The following UNC13C variants were observed in gnomAD, a reference collection of about 807,000 sequenced individuals.
The protein encoded by UNC13C is protein unc-13 homolog C.
UNC13C carries 174 observed loss-of-function variants against 245.4 expected under a neutral mutation model. That is an observed-to-expected ratio of 0.71 (90% CI 0.63 to 0.80). The LOEUF (loss-of-function observed/expected upper bound fraction) is 0.80, where lower values mean the gene tolerates loss of function less well. UNC13C is among the 30% of genes least tolerant of loss of function. The pLI is 0.00. For synonymous variants in UNC13C, 992 were observed against 895.1 expected, an observed-to-expected ratio of 1.11 and a Z score of -1.93; for missense variants, 2,829 against 2,602.9, an observed-to-expected ratio of 1.09 and a Z score of -1.89.
the UNC13C span, among the ~76,000 whole-genome samples, chr15:53,961,974 C>G: frequency 6.6e-6 from 1 of 152,302 alleles, no homozygotes; most frequent in South Asian, 2.1e-4. Context: ...TTCATTTCTT[C>G]ACTTCTGATT....
At chr15:54,078,417 C>G (rs1898751836) in intron 2 of UNC13C, among the ~76,000 whole-genome samples, 1 of 152,176 alleles carries the variant, frequency 6.6e-6, no homozygotes, top group African/African-American at 2.4e-5. Context: ...TCTCTATACT[C>G]TTGTTCATAG....
chr15:54,365,980 T>G (rs976410079), intron 17 of UNC13C, among the ~76,000 whole-genome samples: 2 of 152,202 alleles, frequency 1.3e-5, no homozygotes, highest in Admixed American at 6.5e-5. Flanking sequence ...TGTTGTGACC[T>G]TTGCAGCACA....
intron 19 of UNC13C, among the ~76,000 whole-genome samples, chr15:54,460,541 T>G (rs1320678617): frequency 6.6e-6 from 1 of 152,164 alleles, no homozygotes; most frequent in Non-Finnish European, 1.5e-5. Context: ...AAGTGGCACT[T>G]TCAAGAGAGC....
At chr15:53,969,731 C>T in the UNC13C span, among the ~76,000 whole-genome samples, 20 of 149,034 alleles carry the variant, frequency 1.3e-4, no homozygotes, top group East Asian at 5.9e-4. Context: ...AAATCCCATA[C>T]ACTTAACATA....
intron 26 of UNC13C, among the ~76,000 whole-genome samples, chr15:54,535,667 A>G (rs1032792869): frequency 1.3e-5 from 2 of 152,210 alleles, no homozygotes; most frequent in Non-Finnish European, 2.9e-5. Context: ...CAACAGTACA[A>G]TAAAATTAGA....
At chr15:53,984,558 A>C (rs1894052781) in intron 1 of UNC13C, among the ~76,000 whole-genome samples, 1 of 152,154 alleles carries the variant, frequency 6.6e-6, no homozygotes, top group Non-Finnish European at 1.5e-5. Flanking sequence ...TGACACTATA[A>C]AGACCATTGC....
intron 2 of UNC13C, among the ~76,000 whole-genome samples, chr15:54,082,763 C>G (rs1399388399): frequency 6.6e-6 from 1 of 152,018 alleles, no homozygotes; most frequent in Admixed American, 6.5e-5. Flanking sequence ...TATCTTTTCC[C>G]TTGAGGGTAT....
At chr15:54,218,338 A>T (rs1213895661) in intron 4 of UNC13C, among the ~76,000 whole-genome samples, 1 of 151,926 alleles carries the variant, frequency 6.6e-6, no homozygotes, top group East Asian at 1.9e-4. Context: ...AGGGTTACAG[A>T]GATAGGGAAG....
chr15:54,269,721 G>A (rs1464739024), intron 10 of UNC13C, among the ~76,000 whole-genome samples: 4 of 152,194 alleles, frequency 2.6e-5, no homozygotes, highest in East Asian at 1.9e-4. Context: ...AGTACACACC[G>A]GAATGGACCA....
At chr15:54,452,446 AG>A (rs1891230640) in intron 19 of UNC13C, among the ~76,000 whole-genome samples, 2 of 152,188 alleles carry the variant, frequency 1.3e-5, no homozygotes, top group South Asian at 4.1e-4. Context: ...GGTGGTGTAT[AG>A]GGGTGGGTAC....
intron 7 of UNC13C, among the ~76,000 whole-genome samples, chr15:54,242,030 T>C (rs1211997664): frequency 1.3e-5 from 2 of 152,210 alleles, no homozygotes; most frequent in East Asian, 3.8e-4. Context: ...TATGGAAACT[T>C]TCATGTCCTT....
At chr15:54,000,845 C>G (rs1184085061) in intron 1 of UNC13C, among the ~76,000 whole-genome samples, 1 of 152,176 alleles carries the variant, frequency 6.6e-6, no homozygotes, top group East Asian at 1.9e-4. Context: ...AATGTACCAA[C>G]TTCCCAGCAA....
At chr15:54,158,287 C>T (rs1369057488) in intron 4 of UNC13C, among the ~76,000 whole-genome samples, 3 of 152,220 alleles carry the variant, frequency 2.0e-5, no homozygotes, top group Non-Finnish European at 1.5e-5. Context: ...TGCTGCCAAA[C>T]TTCTTTCCTT....
At chr15:54,395,990 T>C (rs1285515326) in intron 18 of UNC13C, among the ~76,000 whole-genome samples, 1 of 151,734 alleles carries the variant, frequency 6.6e-6, no homozygotes, top group East Asian at 1.9e-4. Flanking sequence ...ATTTTAGATG[T>C]TTTAGAAATT....
rs971814489 is a variant in UNC13C at position 54,156,843 on chromosome 15, T to G, written c.3071+13159T>G. ...TGAAATTGATGGGCAACATAATTTT[T>G]GAAAGGCACCTAGGTTTCCTGTGAG... On this transcript the variant is annotated intron_variant, in intron 4 of 32. Transcript: ENST00000260323. Among the ~76,000 whole-genome samples the G allele has an allele frequency of 3.2e-5, 4 of 126,506 alleles. No individual in the cohort carries two copies. The Admixed American group carries it at 3.3e-4, about 10-fold the overall frequency. 83.0% of individuals were successfully genotyped at this position (126,506 alleles called of 152,430 possible). A position where few individuals can be genotyped will look rare whatever the true frequency, so the allele number is the denominator to read the frequency against.
intron 2 of UNC13C, among the ~76,000 whole-genome samples, chr15:54,038,743 A>T (rs1217063882): frequency 1.3e-5 from 2 of 152,232 alleles, no homozygotes; most frequent in African/African-American, 4.8e-5. Flanking sequence ...AACTAAGATC[A>T]CAATTTCAAA....
At chr15:54,223,098 A>T (rs1371097842) in intron 4 of UNC13C, among the ~76,000 whole-genome samples, 1 of 152,026 alleles carries the variant, frequency 6.6e-6, no homozygotes, top group African/African-American at 2.4e-5. Flanking sequence ...TTTAAAGTTG[A>T]TGTGATCCCA....
At chr15:54,010,805 A>G (rs924623787) in intron 1 of UNC13C, among the ~76,000 whole-genome samples, 1 of 152,204 alleles carries the variant, frequency 6.6e-6, no homozygotes, top group Non-Finnish European at 1.5e-5. Flanking sequence ...CACCTCAGGT[A>G]TGAACATGGG....
At chr15:53,899,256 T>C in the UNC13C span, among the ~76,000 whole-genome samples, 1 of 152,208 alleles carries the variant, frequency 6.6e-6, no homozygotes, top group Admixed American at 6.5e-5. Context: ...TTGTGTATCC[T>C]TAATGCCTAA....
Sources: allele counts gnomAD v4.1 joint callset (sites outside exome capture counted in the v4.1 genomes callset), GRCh38; gene constraint gnomAD v4.1.1; transcripts MANE v1.5; gene names NCBI Gene and HGNC (gene_info 2026-07-23, HGNC 2026-07-21).